CTNNA2: variants seen among roughly 807,000 people sequenced by gnomAD.
The protein encoded by CTNNA2 is catenin alpha 2.
Under a neutral mutation model 101.0 loss-of-function variants are expected in CTNNA2, and 42 were observed. The observed-to-expected ratio is 0.42, with a 90% confidence interval of 0.32 to 0.54. The LOEUF (loss-of-function observed/expected upper bound fraction) is 0.54, where lower values mean the gene tolerates loss of function less well. CTNNA2 is among the 20% of genes least tolerant of loss of function. The pLI, the probability that CTNNA2 is intolerant of heterozygous loss-of-function variation, is 0.14. For synonymous variants in CTNNA2, 450 were observed against 456.4 expected (o/e 0.99, Z 0.18); for missense variants, 871 against 1,223.1 (o/e 0.71, Z 4.29).
intron 9 of CTNNA2, among the ~76,000 whole-genome samples, chr2:80,504,215 T>C (rs542329164): frequency 6.6e-6 from 1 of 152,280 alleles, no homozygotes; most frequent in East Asian, 1.9e-4. Flanking sequence ...CTTGAGATTA[T>C]AGAATGGATA....
intron 2 of CTNNA2, among the ~76,000 whole-genome samples, chr2:79,310,043 T>C (rs1212416752): frequency 6.6e-6 from 1 of 152,170 alleles, no homozygotes; most frequent in Non-Finnish European, 1.5e-5. Context: ...ATACTATTGA[T>C]TTATTTATGT....
chr2:80,461,389 T>C (rs1278565465), intron 9 of CTNNA2, among the ~76,000 whole-genome samples: 2 of 152,122 alleles, frequency 1.3e-5, no homozygotes, highest in African/African-American at 4.8e-5. Flanking sequence ...CTCACCTCCC[T>C]ACTCCTTAGC....
chr2:80,267,227 ATATACAG>A (rs1357338620), intron 7 of CTNNA2, among the ~76,000 whole-genome samples: 1 of 152,182 alleles, frequency 6.6e-6, no homozygotes, highest in East Asian at 1.9e-4. Context: ...TTCTCAGAGG[ATATACAG>A]TGTATGTGGT....
At chr2:79,347,788 CTT>C (rs35044310) in intron 3 of CTNNA2, among the ~76,000 whole-genome samples, 39,834 of 132,438 alleles carry the variant, frequency 0.3, 5,400 homozygotes, top group Admixed American at 0.38. Flanking sequence ...CCTAGCCTTC[CTT>C]TTTTTTTTTT....
At chr2:79,589,007 G>C (rs978737121) in intron 1 of CTNNA2, among the ~76,000 whole-genome samples, 1 of 152,210 alleles carries the variant, frequency 6.6e-6, no homozygotes, top group African/African-American at 2.4e-5. Flanking sequence ...AGCACTTACT[G>C]AGTGCTCAAT....
At chr2:79,937,400 T>C (rs1441141245) in intron 7 of CTNNA2, among the ~76,000 whole-genome samples, 1 of 152,178 alleles carries the variant, frequency 6.6e-6, no homozygotes, top group African/African-American at 2.4e-5. Flanking sequence ...TGGAAGACAA[T>C]CCATCGTTTC....
chr2:80,016,918 A>C (rs2104068285), intron 7 of CTNNA2, among the ~76,000 whole-genome samples: 1 of 152,326 alleles, frequency 6.6e-6, no homozygotes, highest in Admixed American at 6.5e-5. Flanking sequence ...CTAGTGCATA[A>C]ATTAAGGTGA....
At chr2:79,525,304 G>C (rs2052950) in intron 1 of CTNNA2, among the ~76,000 whole-genome samples, 35,092 of 151,780 alleles carry the variant, frequency 0.23, 4,382 homozygotes, top group Middle Eastern at 0.35. Flanking sequence ...CTTAACATGG[G>C]TAGTATTTTC....
At chr2:79,817,018 C>CT (rs77343250) in intron 3 of CTNNA2, among the ~76,000 whole-genome samples, 23 of 151,550 alleles carry the variant, frequency 1.5e-4, no homozygotes, top group African/African-American at 3.4e-4. Context: ...AGGAGATATT[C>CT]TTTTTTTTAT....
chr2:79,754,484 C>T (rs1441041590), intron 3 of CTNNA2, among the ~76,000 whole-genome samples: 2 of 152,180 alleles, frequency 1.3e-5, no homozygotes, highest in Middle Eastern at 3.4e-3. Context: ...AGCTCTGTCC[C>T]TCCTCCTTCA....
chr2:80,484,622 C>T (rs1686405238), intron 9 of CTNNA2, among the ~76,000 whole-genome samples: 1 of 152,126 alleles, frequency 6.6e-6, no homozygotes, highest in African/African-American at 2.4e-5. Context: ...GGACAGCTAT[C>T]ATTGTTTTGA....
At chr2:80,291,756 A>G (rs1392965644) in intron 7 of CTNNA2, among the ~76,000 whole-genome samples, 2 of 152,220 alleles carry the variant, frequency 1.3e-5, no homozygotes, top group Non-Finnish European at 1.5e-5. Context: ...GTTTTTCCAC[A>G]TCACCAGAAG....
intron 3 of CTNNA2, among the ~76,000 whole-genome samples, chr2:79,328,499 G>A (rs1476646057): frequency 6.6e-6 from 1 of 152,128 alleles, no homozygotes; most frequent in African/African-American, 2.4e-5. Flanking sequence ...TCATTTATAA[G>A]ATGAGTATTC....
intron 7 of CTNNA2, among the ~76,000 whole-genome samples, chr2:80,100,403 T>G (rs1700470677): frequency 2.0e-5 from 3 of 152,238 alleles, no homozygotes; most frequent in Admixed American, 2.0e-4. Context: ...CACCAGTAGT[T>G]TTAGTAGCCT....
intron 4 of CTNNA2, among the ~76,000 whole-genome samples, chr2:79,449,374 C>T (rs1003336537): frequency 2.6e-5 from 4 of 151,946 alleles, no homozygotes; most frequent in African/African-American, 7.2e-5. Context: ...CTCATGCCAA[C>T]ATCAGAAGCA....
intron 2 of CTNNA2, among the ~76,000 whole-genome samples, chr2:79,683,935 CAT>C (rs776759548): frequency 6.6e-6 from 1 of 152,226 alleles, no homozygotes; most frequent in Non-Finnish European, 1.5e-5. Flanking sequence ...GCCACAGAGA[CAT>C]AGGATCTGCT....
rs191961748 is a variant in CTNNA2 at position 79,586,695 on chromosome 2, T to G, written c.-5-64857T>G. ...ATGTTTAAAATTTTATTTCAACAGT[T>G]TTTGGGAGACAGGTGGTTTTTGTTA... On this transcript the variant is annotated intron_variant, in intron 1 of 18. Transcript: ENST00000402739. 1.2e-4 allele frequency among the ~76,000 whole-genome samples: 19 copies of G among 152,294 alleles called. No homozygotes were observed. In the East Asian group the frequency reaches 3.5e-3, roughly 28 times the overall value.
chr2:79,405,556 C>T (rs1011179998), intron 4 of CTNNA2, among the ~76,000 whole-genome samples: 8 of 151,960 alleles, frequency 5.3e-5, no homozygotes, highest in African/African-American at 1.9e-4. Flanking sequence ...GAACTCCTGA[C>T]CTCAAGTGAT....
intron 7 of CTNNA2, among the ~76,000 whole-genome samples, chr2:80,345,650 G>T (rs1672666418): frequency 6.6e-6 from 1 of 150,822 alleles, no homozygotes; most frequent in African/African-American, 2.4e-5. Context: ...GCATGGTAGG[G>T]ACTAATTTAA....
Sources: gnomAD v4.1 joint callset for allele counts (sites outside exome capture counted in the v4.1 genomes callset) on GRCh38, gnomAD v4.1.1 for gene constraint, MANE v1.5 for transcripts, NCBI Gene and HGNC (gene_info 2026-07-23, HGNC 2026-07-21) for gene names.